The following DCHS2 variants were observed in gnomAD, a reference collection of about 807,000 sequenced individuals.
DCHS2 encodes the protein dachsous cadherin-related 2.
In DCHS2, 142 loss-of-function variants were observed where a neutral mutation model predicts 182.4. The observed-to-expected ratio is 0.78, with a 90% confidence interval of 0.68 to 0.89. The LOEUF is 0.89. Ranked by LOEUF, DCHS2 falls within the 40% of genes least tolerant of loss-of-function variation. The pLI is 0.00. For synonymous variants in DCHS2, 1,740 were observed against 1,663.3 expected, an observed-to-expected ratio of 1.05 and a Z score of -1.12; for missense variants, 4,319 against 4,198.6, an observed-to-expected ratio of 1.03 and a Z score of -0.79.
intron 1 of DCHS2, among the ~76,000 whole-genome samples, chr4:154,386,304 C>G (rs1007362834): frequency 3.9e-5 from 6 of 152,192 alleles, no homozygotes; most frequent in African/African-American, 1.2e-4. Context: ...GTGGTCTCCT[C>G]GACAGTCCTG....
intron 1 of DCHS2, among the ~76,000 whole-genome samples, chr4:154,389,549 A>G (rs1053210271): frequency 1.3e-5 from 1 of 79,106 alleles, no homozygotes; most frequent in African/African-American, 3.9e-5. Flanking sequence ...CTTTTTTTAA[A>G]GGACCTAAAC....
At chr4:154,302,671 G>T (rs975564880) in intron 12 of DCHS2, among the ~76,000 whole-genome samples, 1 of 151,826 alleles carries the variant, frequency 6.6e-6, no homozygotes, top group African/African-American at 2.4e-5. Context: ...GGAGCTCCCA[G>T]TTTCCAACCT....
chr4:154,264,850 A>C (rs1733163508), intron 14 of DCHS2, among the ~76,000 whole-genome samples: 1 of 152,178 alleles, frequency 6.6e-6, no homozygotes, highest in African/African-American at 2.4e-5. Context: ...ATCAACAAGG[A>C]TGCAGCTAAA....
intron 2 of DCHS2, among the ~76,000 whole-genome samples, chr4:154,372,106 T>C (rs1730673561): frequency 6.6e-6 from 1 of 152,130 alleles, no homozygotes; most frequent in South Asian, 2.1e-4. Flanking sequence ...GTATTGAAGA[T>C]AATTTGGGAT....
intron 3 of DCHS2, among the ~76,000 whole-genome samples, chr4:154,358,505 T>C (rs755959967): frequency 2.0e-5 from 3 of 152,142 alleles, no homozygotes; most frequent in Non-Finnish European, 4.4e-5. Context: ...TACAAAAATA[T>C]CTTTGAAAAA....
intron 3 of DCHS2, 63 bp from the exon 4 acceptor site, chr4:154,335,167 G>A: frequency 9.8e-7 from 1 of 1,024,822 alleles, no homozygotes; most frequent in East Asian, 2.4e-5. Context: ...ATGAGCAATA[G>A]TAACACCTGG....
chr4:154,422,620 T>C (rs1334285908), intron 1 of DCHS2, among the ~76,000 whole-genome samples: 4 of 152,234 alleles, frequency 2.6e-5, no homozygotes, highest in African/African-American at 9.6e-5. Context: ...CCATTCATGA[T>C]TGAAGCTGTT....
At chr4:154,310,503 G>C (rs1024472679) in intron 10 of DCHS2, among the ~76,000 whole-genome samples, 1 of 152,144 alleles carries the variant, frequency 6.6e-6, no homozygotes, top group South Asian at 2.1e-4. Context: ...TATCATGTAT[G>C]ACATGCTCAC....
At chr4:154,353,656 G>T (rs1380266381) in intron 3 of DCHS2, among the ~76,000 whole-genome samples, 2 of 152,032 alleles carry the variant, frequency 1.3e-5, no homozygotes, top group African/African-American at 4.8e-5. Flanking sequence ...ACAATCCCTT[G>T]GACTTTTCCA....
chr4:154,266,050 G>A (rs1315923513), intron 14 of DCHS2, among the ~76,000 whole-genome samples: 1 of 152,164 alleles, frequency 6.6e-6, no homozygotes, highest in African/African-American at 2.4e-5. Flanking sequence ...CGTGAATGTG[G>A]TCTCTCTTGC....
chr4:154,294,328 G>A (rs925614149), intron 13 of DCHS2, among the ~76,000 whole-genome samples: 5 of 152,176 alleles, frequency 3.3e-5, no homozygotes, highest in Non-Finnish European at 7.3e-5. Flanking sequence ...AAAACTGTGA[G>A]GGGTATCCTC....
chr4:154,282,722 T>G (rs1734207469), intron 13 of DCHS2, among the ~76,000 whole-genome samples: 1 of 152,116 alleles, frequency 6.6e-6, no homozygotes, highest in Non-Finnish European at 1.5e-5. Flanking sequence ...GATATTAGCA[T>G]ACTCATGTTC....
chr4:154,339,052 T>G (rs1464929089), intron 3 of DCHS2, among the ~76,000 whole-genome samples: 2 of 152,140 alleles, frequency 1.3e-5, no homozygotes, highest in African/African-American at 4.8e-5. Context: ...GATTATGAAG[T>G]CTGAGAAGTC....
In DCHS2 at chr4:154,259,508, A is replaced by C. The variant is rs777610267; in HGVS notation, c.6789+37T>G. 14 of 1,590,916 alleles carry C rather than the reference A, an allele frequency of 8.8e-6. No individual in the cohort carries two copies. The South Asian group carries it at 8.9e-5, about 10-fold the overall frequency. ...CTCTCACACAGACACACCCACACAC[A>C]CACACACACACACACACACAAATAT... is the stretch of plus-strand genomic sequence containing the variant. On this transcript the variant is annotated intron_variant, in intron 15 of 19. Transcript: ENST00000357232.
Position 154,234,287 on chromosome 4 carries a change from A to G in DCHS2, c.*249T>C. On this transcript the variant is annotated 3_prime_UTR_variant, in exon 20 of 20. Transcript: ENST00000357232. ...TCATACAGACAACAGGTCTGACAGA[A>G]TATACACTACTTAATATATACAAAT... 2.5e-6 allele frequency: 1 copy of G among 404,572 alleles called. No homozygotes were observed. Among genetic ancestry groups the G allele is most frequent in the Non-Finnish European group, 4.3e-6 (1 of 233,330 alleles). 25.1% of individuals were successfully genotyped at this position (404,572 alleles called of 1,614,324 possible).
chr4:154,420,105 G>C (rs1733040827), intron 1 of DCHS2, among the ~76,000 whole-genome samples: 1 of 152,086 alleles, frequency 6.6e-6, no homozygotes, highest in South Asian at 2.1e-4. Context: ...TAACAGCCAT[G>C]GGGGCTGACT....
At chr4:154,457,492 C>T (rs1734816316) in intron 1 of DCHS2, among the ~76,000 whole-genome samples, 1 of 152,174 alleles carries the variant, frequency 6.6e-6, no homozygotes, top group Non-Finnish European at 1.5e-5. Flanking sequence ...GCTTCCGTGG[C>T]AACATTTAAG....
chr4:154,314,637 G>T (rs550304871), intron 10 of DCHS2, among the ~76,000 whole-genome samples: 18 of 151,952 alleles, frequency 1.2e-4, no homozygotes, highest in Non-Finnish European at 2.5e-4. Flanking sequence ...TGTATCTTTT[G>T]CCCCTTAAAT....
intron 1 of DCHS2, among the ~76,000 whole-genome samples, chr4:154,421,745 C>T (rs1030967544): frequency 1.4e-4 from 21 of 152,216 alleles, no homozygotes; most frequent in African/African-American, 4.8e-4. Context: ...AAAACACTAC[C>T]TTGCACCCAT....
Sources: gnomAD v4.1 joint callset for allele counts (sites outside exome capture counted in the v4.1 genomes callset) on GRCh38, gnomAD v4.1.1 for gene constraint, MANE v1.5 for transcripts, NCBI Gene and HGNC (gene_info 2026-07-23, HGNC 2026-07-21) for gene names.